KANK1: variants seen among roughly 807,000 people sequenced by gnomAD.
KANK1 encodes KN motif and ankyrin repeat domain-containing protein 1.
Under a neutral mutation model 106.2 loss-of-function variants are expected in KANK1, and 109 were observed. The ratio of observed to expected loss-of-function variants is 1.03; its 90% CI spans 0.88 to 1.20. The LOEUF (loss-of-function observed/expected upper bound fraction) is 1.20. KANK1 is among the 50% of genes most tolerant of loss of function. The pLI, the probability that KANK1 is intolerant of heterozygous loss-of-function variation, is 0.00. For missense variants in KANK1, 2,399 were observed against 1,710.7 expected, an observed-to-expected ratio of 1.40 and a Z score of -7.10; for synonymous variants, 873 against 652.2, an observed-to-expected ratio of 1.34 and a Z score of -5.16.
chr9:680,689 C>T (rs1383062794), intron 2 of KANK1, among the ~76,000 whole-genome samples: 1 of 152,104 alleles, frequency 6.6e-6, no homozygotes, highest in African/African-American at 2.4e-5. Flanking sequence ...CCTGTGTACA[C>T]GGTTGCCAGA....
At chr9:690,516 G>A (rs953146681) in intron 2 of KANK1, among the ~76,000 whole-genome samples, 22 of 152,042 alleles carry the variant, frequency 1.4e-4, no homozygotes, top group African/African-American at 4.6e-4. Flanking sequence ...GTTCGTGTAT[G>A]TATAAGGCAC....
upstream of KANK1, among the ~76,000 whole-genome samples, chr9:501,584 A>C (rs2058552375): frequency 1.3e-5 from 2 of 150,558 alleles, no homozygotes; most frequent in South Asian, 4.2e-4. Context: ...CATTGTTCCC[A>C]GATACAGGTA....
chr9:518,005 T>A (rs2059367556), intron 1 of KANK1, among the ~76,000 whole-genome samples: 1 of 151,636 alleles, frequency 6.6e-6, no homozygotes, highest in African/African-American at 2.4e-5. Flanking sequence ...TCCAGAGTGC[T>A]GGGATTACAG....
At position 712,734 on chromosome 9, in the gene KANK1, C is replaced by A. The variant is rs1047912382; in HGVS notation, c.1968C>A (p.Ser656Arg). The A allele has an allele frequency of 5.6e-6, 9 of 1,613,792 alleles. No individual in the cohort carries two copies. Among genetic ancestry groups the A allele is most frequent in the African/African-American group, 2.7e-5 (2 of 74,890 alleles). The change falls in exon 3 of 12, where the codon AGC becomes AGA. Residue 656 changes from serine (S) to arginine (R), a missense_variant. Ser to Arg is a moderately radical substitution (Grantham distance 110). Transcript: ENST00000382297. ...ASRGVNTEAV[S>R]QVEAAVMAVP... Reference sequence around the variant, plus strand: ...GGGGCGTGAACACTGAGGCTGTTAGCCAGGTGGAAGCTGCCGTCATGGCAG... The same window carrying A: ...GGGGCGTGAACACTGAGGCTGTTAGACAGGTGGAAGCTGCCGTCATGGCAG...
rs200692394 is a variant in KANK1, at chr9:711,999, C to A, written c.1233C>A (p.Asp411Glu). 3.2e-5 allele frequency: 51 copies of A among 1,614,070 alleles called. No homozygotes were observed. Among genetic ancestry groups the A allele is most frequent in the Non-Finnish European group, 4.2e-5 (50 of 1,180,042 alleles). ...TGGGTGCCGAGGAGAACATGAACGACATCGTCGTGTACCACAGAGGCTCCA... is the reference window on the plus strand; with the variant it reads ...TGGGTGCCGAGGAGAACATGAACGAAATCGTCGTGTACCACAGAGGCTCCA... ...VAVGAEENMN[D>E]IVVYHRGSRS... Residue 411 changes from aspartate (D) to glutamate (E), a missense_variant, in exon 3 of 12, where the codon GAC (aspartate) becomes GAA (glutamate). Coordinates refer to ENST00000382297, the MANE Select transcript of KANK1 (RefSeq NM_015158.5).
chr9:714,219 T>C (rs1827040904), intron 3 of KANK1, among the ~76,000 whole-genome samples: 2 of 152,086 alleles, frequency 1.3e-5, no homozygotes, highest in African/African-American at 4.8e-5. Context: ...ATATAGACAG[T>C]AGACCTATAA....
chr9:480,672 T>G (rs527453007), intron 3 of KANK1, among the ~76,000 whole-genome samples: 1 of 152,242 alleles, frequency 6.6e-6, no homozygotes, highest in African/African-American at 2.4e-5. Flanking sequence ...TCGTCAGCTT[T>G]CCACCAGTGG....
intron 1 of KANK1, among the ~76,000 whole-genome samples, chr9:527,836 T>C (rs925359294): frequency 1.3e-5 from 2 of 151,100 alleles, no homozygotes; most frequent in Non-Finnish European, 2.9e-5. Context: ...AAAATAGAGT[T>C]TCCCCTCACT....
At chr9:727,887 G>A (rs1234694498) in intron 3 of KANK1, among the ~76,000 whole-genome samples, 2 of 152,046 alleles carry the variant, frequency 1.3e-5, no homozygotes, top group Non-Finnish European at 2.9e-5. Context: ...CCTAACCAAC[G>A]GAATAGATCC....
At chr9:722,687 A>G (rs1013224713) in intron 3 of KANK1, among the ~76,000 whole-genome samples, 7 of 152,206 alleles carry the variant, frequency 4.6e-5, no homozygotes, top group African/African-American at 1.4e-4. Flanking sequence ...TAGGTGACCA[A>G]TTCCCTCTGA....
intron 1 of KANK1, among the ~76,000 whole-genome samples, chr9:613,677 T>C (rs1318569221): frequency 6.6e-6 from 1 of 152,176 alleles, no homozygotes; most frequent in Non-Finnish European, 1.5e-5. Context: ...TACTAACTTT[T>C]TTCCTCTTCT....
At chr9:544,050 A>T (rs1195637038) in intron 1 of KANK1, among the ~76,000 whole-genome samples, 1 of 151,310 alleles carries the variant, frequency 6.6e-6, no homozygotes, top group Non-Finnish European at 1.5e-5. Context: ...TTTTGAGACA[A>T]TGTTCTGTTG....
At chr9:497,382 CT>C (rs1340737483) in intron 3 of KANK1, among the ~76,000 whole-genome samples, 3 of 152,002 alleles carry the variant, frequency 2.0e-5, no homozygotes, top group Non-Finnish European at 4.4e-5. Flanking sequence ...CCCAGTTCAC[CT>C]TTTCTCTGAG....
chr9:487,130 G>C (rs1367916581), intron 3 of KANK1, among the ~76,000 whole-genome samples: 1 of 152,140 alleles, frequency 6.6e-6, no homozygotes, highest in Non-Finnish European at 1.5e-5. Flanking sequence ...GAGGAGGGGA[G>C]CTGCAGGCAC....
In KANK1 at chr9:642,687, T is replaced by A. The variant is rs543748868; in HGVS notation, c.-83-34203T>A. Among the ~76,000 whole-genome samples the A allele has an allele frequency of 2.0e-5, 3 of 150,734 alleles. 1 individual carries two copies. The highest frequency in any genetic ancestry group is 1.5e-5 in the Non-Finnish European group (1 of 68,018). ...AAGAACTTTTGTGGCAGGTAACTCT[T>A]ACTTGAAATTTATTTGGATTTCTAG... On this transcript the variant is annotated intron_variant, in intron 1 of 11. Coordinates refer to ENST00000382297, the MANE Select transcript of KANK1 (RefSeq NM_015158.5).
intron 1 of KANK1, among the ~76,000 whole-genome samples, chr9:651,334 C>G (rs958580393): frequency 6.6e-6 from 1 of 152,058 alleles, no homozygotes; most frequent in Non-Finnish European, 1.5e-5. Flanking sequence ...CTTCAAAATT[C>G]CTGAAAAATT....
At chr9:534,998 A>C (rs868081625) in intron 1 of KANK1, among the ~76,000 whole-genome samples, 11 of 152,246 alleles carry the variant, frequency 7.2e-5, no homozygotes, top group Non-Finnish European at 1.0e-4. Flanking sequence ...TTCTTTGAGG[A>C]TGCCCCCTTT....
intron 11 of KANK1, 112 bp from the exon 12 acceptor site, chr9:745,061 C>G (rs1052769923): frequency 1.3e-6 from 2 of 1,532,766 alleles, no homozygotes; most frequent in Non-Finnish European, 1.8e-6. Context: ...TCTCCTGGCT[C>G]GGGCTCACAG....
chr9:605,802 A>G (rs1828960666), intron 1 of KANK1, among the ~76,000 whole-genome samples: 2 of 151,730 alleles, frequency 1.3e-5, no homozygotes, highest in South Asian at 4.2e-4. Flanking sequence ...TTATGGGGAA[A>G]TGAACAGAGA....
Sources: gnomAD v4.1 joint callset for allele counts (sites outside exome capture counted in the v4.1 genomes callset) on GRCh38, gnomAD v4.1.1 for gene constraint, MANE v1.5 for transcripts, NCBI Gene and HGNC (gene_info 2026-07-23, HGNC 2026-07-21) for gene names.